The following COL9A1 variants were observed in gnomAD, a reference collection of about 807,000 sequenced individuals.
COL9A1 encodes collagen alpha-1(IX) chain.
COL9A1 carries 104 observed loss-of-function variants against 142.6 expected under a neutral mutation model. The observed-to-expected ratio is 0.73, with a 90% CI of 0.62 to 0.86. The LOEUF (loss-of-function observed/expected upper bound fraction) is 0.86, where lower values mean the gene tolerates loss of function less well. Among genes scored for constraint, COL9A1 ranks in the 40% least tolerant of loss-of-function variants. The pLI is 0.00. For synonymous variants in COL9A1, 466 were observed against 396.0 expected, an observed-to-expected ratio of 1.18 and a Z score of -2.10; for missense variants, 1,210 against 1,176.6, an observed-to-expected ratio of 1.03 and a Z score of -0.42.
At chr6:70,260,951 C>A in intron 19 of COL9A1, 1 of 430,614 alleles carries the variant, frequency 2.3e-6, no homozygotes, top group Middle Eastern at 6.8e-4. Context: ...GACAAAATCA[C>A]TTATGACAAA....
chr6:70,297,301 C>G (rs1435335740), intron 4 of COL9A1, among the ~76,000 whole-genome samples: 1 of 152,060 alleles, frequency 6.6e-6, no homozygotes. Flanking sequence ...TGGTAGCTGT[C>G]TCTTTCTCTC....
intron 13 of COL9A1, 84 bp from the exon 14 acceptor site, chr6:70,271,792 A>T: frequency 7.5e-7 from 1 of 1,324,764 alleles, no homozygotes; most frequent in Non-Finnish European, 1.1e-6. Flanking sequence ...GATAAATATT[A>T]GATTTACATT....
At chr6:70,251,059 G>A (rs1040640054) in intron 28 of COL9A1, among the ~76,000 whole-genome samples, 1 of 151,940 alleles carries the variant, frequency 6.6e-6, no homozygotes, top group South Asian at 2.1e-4. Context: ...TTTTCATAAC[G>A]GCCAAAAAAT....
intron 18 of COL9A1, among the ~76,000 whole-genome samples, chr6:70,263,691 A>C (rs1771837415): frequency 6.6e-6 from 1 of 151,936 alleles, no homozygotes; most frequent in Non-Finnish European, 1.5e-5. Context: ...TATTAGAAAA[A>C]TGTAATTATA....
chr6:70,256,804 A>G lies in COL9A1; in HGVS notation c.1467T>C (p.Asp489=), dbSNP rs1771326999. 7 of 1,613,948 alleles carry G rather than the reference A, an allele frequency of 4.3e-6. No homozygotes were observed. Among genetic ancestry groups the G allele is most frequent in the South Asian group, 3.3e-5 (3 of 91,064 alleles). ...DKGEKGARGL[D]GEPGPQGLPG... ...GAAGACCCTGAGGCCCAGGTTCACC[A>G]TCTAAGCCCCGAGCACCCTGCAAAA... Residue 489 remains aspartate, a synonymous_variant, in exon 21 of 38, where the codon GAT becomes GAC. Transcript: ENST00000357250.
chr6:70,282,896 A>T lies in COL9A1; in HGVS notation c.801+2T>A. 1 of 1,613,746 alleles carries T rather than the reference A, an allele frequency of 6.2e-7. No homozygotes were observed. Among genetic ancestry groups the T allele is most frequent in the East Asian group, 2.2e-5 (1 of 44,840 alleles). On this transcript the variant is annotated splice_donor_variant, in intron 7 of 37. Transcript: ENST00000357250. LOFTEE classifies it high-confidence loss of function. Reference sequence around the variant, plus strand: ...TGCAAACACTCCCTGCCCCCAACTTACCTCGTCGGTGGTCTGGCTGGGCTG... The same window carrying T: ...TGCAAACACTCCCTGCCCCCAACTTTCCTCGTCGGTGGTCTGGCTGGGCTG...
At chr6:70,233,016 C>T (rs1769656874) in intron 35 of COL9A1, among the ~76,000 whole-genome samples, 1 of 151,978 alleles carries the variant, frequency 6.6e-6, no homozygotes, top group South Asian at 2.1e-4. Context: ...AGAGTCAGGG[C>T]ACGGGGAGGG....
At chr6:70,251,158 A>C (rs112249158) in intron 28 of COL9A1, among the ~76,000 whole-genome samples, 1 of 152,242 alleles carries the variant, frequency 6.6e-6, no homozygotes, top group Non-Finnish European at 1.5e-5. Context: ...AAATATATTC[A>C]AGAATAAAAA....
Position 70,274,714 on chromosome 6 carries a change from C to A in COL9A1, c.1029+5G>T. On this transcript the variant is annotated splice_donor_5th_base_variant and intron_variant, in intron 11 of 37. Coordinates refer to ENST00000357250, the MANE Select transcript of COL9A1 (RefSeq NM_001851.6). Reference sequence around the variant, plus strand: ...CTAGCAATTAATGCCAGATGGCTAACTTACTTTTTGTCCCTTTGACCCAAT... The same window carrying A: ...CTAGCAATTAATGCCAGATGGCTAAATTACTTTTTGTCCCTTTGACCCAAT... The A allele has an allele frequency of 9.9e-6, 16 of 1,610,594 alleles. No homozygotes were observed. Among genetic ancestry groups the A allele is most frequent in the Non-Finnish European group, 1.4e-5 (16 of 1,177,094 alleles).
At chr6:70,267,177 T>G (rs1772068058) in intron 17 of COL9A1, among the ~76,000 whole-genome samples, 1 of 152,186 alleles carries the variant, frequency 6.6e-6, no homozygotes, top group Non-Finnish European at 1.5e-5. Flanking sequence ...CCCTGCCCTC[T>G]GAAGGCTGCT....
chr6:70,290,051 G>A (rs185907604), intron 5 of COL9A1, among the ~76,000 whole-genome samples: 13 of 152,178 alleles, frequency 8.5e-5, no homozygotes, highest in Admixed American at 3.3e-4. Flanking sequence ...AAGTCTGTCC[G>A]ATTAATCACG....
chr6:70,276,707 C>A (rs1165541192), intron 10 of COL9A1, among the ~76,000 whole-genome samples: 1 of 152,192 alleles, frequency 6.6e-6, no homozygotes, highest in East Asian at 1.9e-4. Flanking sequence ...GTCCTGGCAT[C>A]TAACCACTCA....
intron 11 of COL9A1, 101 bp from the exon 12 acceptor site, chr6:70,274,183 G>C: frequency 1.1e-6 from 1 of 917,234 alleles, no homozygotes; most frequent in Admixed American, 2.6e-5. Context: ...CCCCATTATG[G>C]TGTTTTTTTT....
intron 28 of COL9A1, among the ~76,000 whole-genome samples, chr6:70,249,604 AG>A (rs546234346): frequency 1.0e-3 from 158 of 152,346 alleles, no homozygotes; most frequent in Non-Finnish European, 1.6e-3. Flanking sequence ...TATTTGTGAT[AG>A]GAAATGTGAT....
At chr6:70,287,223 T>C (rs1773489938) in intron 5 of COL9A1, among the ~76,000 whole-genome samples, 1 of 152,040 alleles carries the variant, frequency 6.6e-6, no homozygotes, top group Non-Finnish European at 1.5e-5. Context: ...GGGTAGGAAG[T>C]GGTATATAGA....
chr6:70,269,122 G>A (rs1393404075), intron 16 of COL9A1, among the ~76,000 whole-genome samples: 1 of 152,090 alleles, frequency 6.6e-6, no homozygotes, highest in Non-Finnish European at 1.5e-5. Context: ...TTTAATAAAT[G>A]TTAATATTTT....
intron 30 of COL9A1, 116 bp downstream of exon 30, chr6:70,241,848 C>A: frequency 1.2e-6 from 1 of 847,318 alleles, no homozygotes; most frequent in South Asian, 1.5e-5. Context: ...TTCTTGATAG[C>A]TGTTTATGAT....
At chr6:70,239,617 G>A (rs757011002) in intron 32 of COL9A1, among the ~76,000 whole-genome samples, 2 of 152,164 alleles carry the variant, frequency 1.3e-5, no homozygotes, top group Non-Finnish European at 2.9e-5. Flanking sequence ...TATTAAAATA[G>A]CATTATCTTA....
chr6:70,283,096 G>C, intron 6 of COL9A1, 178 bp from the exon 7 acceptor site: 4 of 1,541,178 alleles, frequency 2.6e-6, no homozygotes, highest in Non-Finnish European at 3.5e-6. Flanking sequence ...TCTGCAGCCT[G>C]GTTCCCCTCT....
Sources: gnomAD v4.1 joint callset for allele counts (sites outside exome capture counted in the v4.1 genomes callset) on GRCh38, gnomAD v4.1.1 for gene constraint, MANE v1.5 for transcripts, NCBI Gene and HGNC (gene_info 2026-07-23, HGNC 2026-07-21) for gene names.